The following NTN5 variants were observed in gnomAD, a reference collection of about 807,000 sequenced individuals.
NTN5 encodes the protein netrin 5.
NTN5 carries 42 observed loss-of-function variants against 38.7 expected under a neutral mutation model. The ratio of observed to expected loss-of-function variants is 1.08; its 90% CI spans 0.85 to 1.40. NTN5 has a LOEUF of 1.40. NTN5 is among the 40% of genes most tolerant of loss of function. The probability of loss-of-function intolerance (pLI) is 0.00; values close to 1 mark genes in which losing one functional copy is unlikely to be tolerated. For synonymous variants in NTN5, 329 were observed against 303.9 expected (o/e 1.08, Z -0.86); for missense variants, 658 against 716.5 (o/e 0.92, Z 0.93).
At chr19:48,667,312 C>A in intron 2 of NTN5, 1 of 298,748 alleles carries the variant, frequency 3.3e-6, no homozygotes, top group Non-Finnish European at 7.1e-6. Flanking sequence ...CCACCCTGAC[C>A]TTTCTCCACT....
Position 48,662,160 on chromosome 19 carries a change from C to T in NTN5, c.1106-119G>A, listed in dbSNP as rs1039880085. The T allele has an allele frequency of 4.6e-6, 5 of 1,094,318 alleles. No individual in the cohort carries two copies. In the South Asian group the frequency reaches 8.1e-5, roughly 18 times the overall value. The allele number at this position is 1,094,318 out of a possible 1,614,324, so 67.8% of individuals were successfully genotyped here. The stretch of plus-strand genomic sequence containing the variant: ...ACCGGTGGGTGGGCTTCTGGTATCG[C>T]AGTGGGGAGAGAAACCTTGAACCTT... On this transcript the variant is annotated intron_variant, in intron 6 of 6. Transcript: ENST00000270235.
Position 48,669,945 on chromosome 19 carries a change from T to TCA in NTN5, c.631+409_631+410dup, listed in dbSNP as rs751224920. Among the ~76,000 whole-genome samples, 26 of 28,600 alleles carry TCA rather than the reference T, an allele frequency of 9.1e-4. 2 individuals carry two copies. In the South Asian group the frequency reaches 0.014, roughly 15 times the overall value. 18.8% of individuals were successfully genotyped at this position (28,600 alleles called of 152,430 possible). A position where few individuals can be genotyped will look rare whatever the true frequency, so the allele number is the denominator to read the frequency against. On this transcript the variant is annotated intron_variant, in intron 2 of 6. Coordinates refer to ENST00000270235, the MANE Select transcript of NTN5 (RefSeq NM_145807.4). ...ACCATCATCACCACTACCATCACCA[T>TCA]CACCACCACCATCACCATCACCACC...
chr19:48,665,507 C>G (rs2031678969), intron 2 of NTN5, among the ~76,000 whole-genome samples: 1 of 150,918 alleles, frequency 6.6e-6, no homozygotes, highest in Non-Finnish European at 1.5e-5. Context: ...TCCTGAACAT[C>G]TGTGAAACTG....
At position 48,661,887 on chromosome 19, in the gene NTN5, G is replaced by C; in HGVS notation, c.1260C>G (p.Cys420Trp). Residue 420 changes from cysteine (C) to tryptophan (W), a missense_variant, in exon 7 of 7, where the codon TGC becomes TGG. Physicochemically the swap from Cys to Trp is radical, Grantham distance 215 (BLOSUM62 -2). Transcript: ENST00000270235. Reference protein sequence around the residue: ...WVPRADLTCGCLRLQPGTDYL... With the variant: ...WVPRADLTCGWLRLQPGTDYL... The stretch of plus-strand genomic sequence containing the variant: ...AGTCGGTGCCTGGCTGCAGGCGCAG[G>C]CAGCCGCAGGTCAGGTCGGCGCGGG... 1 of 1,349,372 alleles carries C rather than the reference G, an allele frequency of 7.4e-7. No individual in the cohort carries two copies. The highest frequency in any genetic ancestry group is 1.6e-5 in the South Asian group (1 of 64,306). 83.6% of individuals were successfully genotyped at this position (1,349,372 alleles called of 1,614,324 possible).
chr19:48,666,254 C>G (rs906370114), intron 2 of NTN5, among the ~76,000 whole-genome samples: 3 of 152,206 alleles, frequency 2.0e-5, no homozygotes, highest in African/African-American at 7.2e-5. Context: ...TAATACACAG[C>G]TCCCGTGAGG....
In NTN5 at chr19:48,664,763, G is replaced by T; in HGVS notation, c.636C>A (p.Cys212Ter). The change falls in exon 3 of 7, where the codon TGC (cysteine) becomes TGA (stop). Residue 212 changes from cysteine to a stop codon, truncating the protein, a stop_gained. Transcript: ENST00000270235. LOFTEE classifies it high-confidence loss of function. Reference sequence around the variant, plus strand: ...AGCGTCGGGCGTGCTGGTTGCAGGAGCAGGCTAGGAGCAAAATGGGGTGGG... The same window carrying T: ...AGCGTCGGGCGTGCTGGTTGCAGGATCAGGCTAGGAGCAAAATGGGGTGGG... ...TPRHPHPCLP[C>*]SCNQHARRCR... 1.3e-6 allele frequency: 2 copies of T among 1,552,702 alleles called. No individual in the cohort carries two copies. The highest frequency in any genetic ancestry group is 1.7e-6 in the Non-Finnish European group (2 of 1,149,836).
In NTN5 at chr19:48,670,915, G is replaced by C; in HGVS notation, c.72C>G (p.Gly24=). The C allele has an allele frequency of 1.2e-6, 2 of 1,601,000 alleles. No homozygotes were observed. The highest frequency in any genetic ancestry group is 1.7e-6 in the Non-Finnish European group (2 of 1,173,156). ...ATADPCYDPQ[G]RPQFCLPPVT... ...CTGGCGGGAGGCAGAATTGGGGGCG[G>C]CCCTGTGGATCGTAGCATGGGTCCG... Residue 24 remains glycine (G), a synonymous_variant, in exon 2 of 7, where the codon GGC becomes GGG. Coordinates refer to ENST00000270235, the MANE Select transcript of NTN5 (RefSeq NM_145807.4).
At chr19:48,662,920 A>G (rs1473961433) in intron 6 of NTN5, 6 of 275,344 alleles carry the variant, frequency 2.2e-5, no homozygotes, top group Non-Finnish European at 3.6e-5. Flanking sequence ...GGTCCTATAC[A>G]TTGAGAGAAA....
rs192509971 is a variant in NTN5, at chr19:48,664,701, C to T, written c.698G>A (p.Gly233Asp). Residue 233 changes from glycine (G) to aspartate (D), a missense_variant, in exon 3 of 7, where the codon GGC becomes GAC. Physicochemically the swap from Gly to Asp is moderately conservative, Grantham distance 94. Coordinates refer to ENST00000270235, the MANE Select transcript of NTN5 (RefSeq NM_145807.4). ...CCGCTCACAAACACCCCCACTCCGG[C>T]CGCCCGACAGTCTGAACAGCTCAGA... ...FNSELFRLSG[G>D]RSGGVCERCR... is the part of the protein sequence containing the mutation. The T allele has an allele frequency of 1.3e-4, 214 of 1,605,210 alleles. 1 individual carries two copies. The East Asian group carries it at 3.7e-3, about 28-fold the overall frequency.
intron 6 of NTN5, chr19:48,663,136 G>A (rs1381721402): frequency 6.2e-6 from 3 of 480,602 alleles, no homozygotes; most frequent in Admixed American, 4.7e-5. Context: ...CTCTGAGATA[G>A]GGAGGACAGG....
In NTN5 at chr19:48,664,726, A is replaced by C; in HGVS notation, c.673T>G (p.Ser225Ala). 1 of 1,595,942 alleles carries C rather than the reference A, an allele frequency of 6.3e-7. No individual in the cohort carries two copies. Among genetic ancestry groups the C allele is most frequent in the Non-Finnish European group, 8.5e-7 (1 of 1,171,628 alleles). The change falls in exon 3 of 7, where the codon TCT (serine) becomes GCT (alanine). Residue 225 changes from serine to alanine, a missense_variant. Transcript: ENST00000270235. ...NQHARRCRFN[S>A]ELFRLSGGRS... ...CCGCCCGACAGTCTGAACAGCTCAG[A>C]GTTGAACCGGCAGCGTCGGGCGTGC...
intron 2 of NTN5, among the ~76,000 whole-genome samples, chr19:48,666,571 G>A (rs1398617869): frequency 6.6e-6 from 1 of 150,822 alleles, no homozygotes; most frequent in Admixed American, 6.6e-5. Flanking sequence ...AACAACAAAA[G>A]CCAGATTGCA....
At chr19:48,663,128 C>G in intron 6 of NTN5, 1 of 464,020 alleles carries the variant, frequency 2.2e-6, no homozygotes, top group Non-Finnish European at 4.3e-6. Context: ...GAAAGGGTCT[C>G]TGAGATAGGG....
Position 48,661,634 on chromosome 19 carries a change from C to A in NTN5, c.*43G>T. 6.8e-7 allele frequency: 1 copy of A among 1,474,144 alleles called. No homozygotes were observed. Among genetic ancestry groups the A allele is most frequent in the Non-Finnish European group, 8.9e-7 (1 of 1,121,642 alleles). The allele number at this position is 1,474,144 out of a possible 1,614,324, so 91.3% of individuals were successfully genotyped here. A position where few individuals can be genotyped will look rare whatever the true frequency, so the allele number is the denominator to read the frequency against. On this transcript the variant is annotated 3_prime_UTR_variant, in exon 7 of 7. Coordinates refer to ENST00000270235, the MANE Select transcript of NTN5 (RefSeq NM_145807.4). ...GTAGAAGGCTCAGCTCCTAGTCGCT[C>A]CCAAATTACTTTGTTGGTGCTCGAG...
At chr19:48,669,700 T>TCACCACCACCAACACCAC (rs1568452431) in intron 2 of NTN5, among the ~76,000 whole-genome samples, 1 of 43,056 alleles carries the variant, frequency 2.3e-5, no homozygotes, top group African/African-American at 9.2e-5. Context: ...ACCACCATCA[T>TCACCACCACCAACACCAC]CACCATCACC....
chr19:48,670,628 C>T lies in NTN5; in HGVS notation c.359G>A (p.Arg120Lys), dbSNP rs1195394337. ...ACCTGGTGTGGAGTGGAAGGTCACCCTTTCAGGGCCCCCTAAGGCCCCAGG... is the reference window on the plus strand; with the variant it reads ...ACCTGGTGTGGAGTGGAAGGTCACCTTTTCAGGGCCCCCTAAGGCCCCAGG... ...AWPGALGGPE[R>K]VTFHSTPGPK... Residue 120 changes from arginine (R) to lysine (K), a missense_variant, in exon 2 of 7, where the codon AGG becomes AAG. Physicochemically the swap from Arg to Lys is conservative, Grantham distance 26. Transcript: ENST00000270235. The T allele has an allele frequency of 6.2e-7, 1 of 1,600,984 alleles. No individual in the cohort carries two copies. Among genetic ancestry groups the T allele is most frequent in the Non-Finnish European group, 8.5e-7 (1 of 1,174,622 alleles).
At chr19:48,667,394 T>C in intron 2 of NTN5, 1 of 427,464 alleles carries the variant, frequency 2.3e-6, no homozygotes, top group Non-Finnish European at 4.7e-6. Flanking sequence ...GTGGTGACCC[T>C]CAGGACAGCC....
chr19:48,669,951 C>T (rs1294867486), intron 2 of NTN5, among the ~76,000 whole-genome samples: 2 of 30,332 alleles, frequency 6.6e-5, no homozygotes, highest in Admixed American at 2.2e-4. Flanking sequence ...ACCATCACCA[C>T]CACCATCACC....
At chr19:48,666,584 G>C (rs570668319) in intron 2 of NTN5, among the ~76,000 whole-genome samples, 2 of 151,240 alleles carry the variant, frequency 1.3e-5, no homozygotes, top group East Asian at 1.9e-4. Flanking sequence ...AGATTGCAAG[G>C]CTCCTCCCTA....
Sources: gnomAD v4.1 joint callset for allele counts (sites outside exome capture counted in the v4.1 genomes callset) on GRCh38, gnomAD v4.1.1 for gene constraint, MANE v1.5 for transcripts, NCBI Gene and HGNC (gene_info 2026-07-23, HGNC 2026-07-21) for gene names.